The following OPHN1 variants were observed in gnomAD, a reference collection of about 807,000 sequenced individuals.
OPHN1 encodes the protein oligophrenin-1.
In OPHN1, 11 loss-of-function variants were observed where a neutral mutation model predicts 60.7. The observed-to-expected ratio is 0.18, with a 90% CI of 0.11 to 0.30. The LOEUF (loss-of-function observed/expected upper bound fraction) is 0.30, where lower values mean the gene tolerates loss of function less well. Ranked by LOEUF, OPHN1 falls within the 10% of genes least tolerant of loss-of-function variation. The pLI is 1.00. For missense variants in OPHN1, 449 were observed against 611.0 expected (o/e 0.73, Z 2.80); for synonymous variants, 226 against 222.6 (o/e 1.02, Z -0.14).
chrX:68,242,739 A>T (rs1281874178), intron 5 of OPHN1, among the ~76,000 whole-genome samples: 1 of 112,438 alleles, frequency 8.9e-6, no homozygotes, highest in Non-Finnish European at 1.9e-5. Flanking sequence ...TTAACCCATA[A>T]AAATGAAGGA....
At chrX:68,308,049 GAGGT>G (rs2078154461) in intron 2 of OPHN1, among the ~76,000 whole-genome samples, 1 of 112,282 alleles carries the variant, frequency 8.9e-6, no homozygotes, top group Non-Finnish European at 1.9e-5. Flanking sequence ...AAAGCAAAAT[GAGGT>G]AGTGGAAATA....
At chrX:68,164,644 G>A (rs2077349751) in intron 15 of OPHN1, among the ~76,000 whole-genome samples, 1 of 111,803 alleles carries the variant, frequency 8.9e-6, no homozygotes, top group Admixed American at 9.5e-5. Context: ...AAGGGGTCTA[G>A]GATTTGCAGA....
rs200860095 is a variant in OPHN1, at chrX:68,229,929, A to C, written c.486+4558T>G. Among the ~76,000 whole-genome samples, 216 of 112,089 alleles carry C rather than the reference A, an allele frequency of 1.9e-3. 2 individuals are homozygous for C. The highest frequency in any genetic ancestry group is 0.019 in the East Asian group (68 of 3,552). ...TTGACAAATGGGATCTAATTAAACT[A>C]AAGAGCTTCTGCACAGCAAAAGAAA... On this transcript the variant is annotated intron_variant, in intron 6 of 24. Coordinates refer to ENST00000355520, the MANE Select transcript of OPHN1 (RefSeq NM_002547.3).
In OPHN1 at chrX:68,064,135, C is replaced by A; in HGVS notation, c.1877G>T (p.Ser626Ile). 1 of 1,210,917 alleles carries A rather than the reference C, an allele frequency of 8.3e-7. No homozygotes were observed. Among genetic ancestry groups the A allele is most frequent in the Non-Finnish European group, 1.1e-6 (1 of 895,130 alleles). The change falls in exon 21 of 25, where the codon AGC (serine) becomes ATC (isoleucine). Residue 626 changes from serine to isoleucine, a missense_variant. By Grantham distance (142) the Ser-to-Ile change is moderately radical. Around this residue, in one of 4 missense-constraint regions of OPHN1, gnomAD observed 184 missense variants for 160.5 expected, o/e 1.15. Coordinates refer to ENST00000355520, the MANE Select transcript of OPHN1 (RefSeq NM_002547.3). ...TTGTGGTGGCTTGGGGGGTTCTATG[C>A]TGCTGGTGATAGTACCATTCGGTGT... ...HQTPNGTITS[S>I]IEPPKPPQHP... is the part of the protein sequence containing the mutation.
intron 18 of OPHN1, among the ~76,000 whole-genome samples, 187 bp downstream of exon 18, chrX:68,111,667 G>T (rs753643622): frequency 8.9e-6 from 1 of 111,756 alleles, no homozygotes; most frequent in Non-Finnish European, 1.9e-5. Context: ...CAATCCACAT[G>T]CATGATGACT....
At chrX:68,280,666 C>A (rs917562842) in intron 4 of OPHN1, among the ~76,000 whole-genome samples, 1 of 111,584 alleles carries the variant, frequency 9.0e-6, no homozygotes, top group African/African-American at 3.3e-5. Flanking sequence ...TACCATCATG[C>A]CCCTAATAAA....
chrX:68,373,913 A>G (rs1198088128), intron 2 of OPHN1, among the ~76,000 whole-genome samples: 1 of 111,717 alleles, frequency 9.0e-6, no homozygotes, highest in African/African-American at 3.3e-5. Flanking sequence ...GAAGAAAAAA[A>G]AACTTCTAAA....
At chrX:68,268,122 G>A (rs1057435810) in intron 5 of OPHN1, among the ~76,000 whole-genome samples, 5 of 110,908 alleles carry the variant, frequency 4.5e-5, no homozygotes, top group Non-Finnish European at 7.6e-5. Context: ...AGAATACAGA[G>A]GTACAGAATA....
intron 15 of OPHN1, among the ~76,000 whole-genome samples, chrX:68,167,761 A>G (rs1227354267): frequency 9.1e-6 from 1 of 109,688 alleles, no homozygotes; most frequent in East Asian, 2.9e-4. Context: ...GGAAATCTGT[A>G]TACTGAAGAG....
intron 9 of OPHN1, among the ~76,000 whole-genome samples, chrX:68,207,132 AT>A (rs35644656): frequency 0.041 from 3,975 of 96,172 alleles, 176 homozygotes; most frequent in African/African-American, 0.12. Context: ...TTTTGTTTTA[AT>A]TTTTTTTTTT....
At chrX:68,266,260 GT>G (rs1209204881) in intron 5 of OPHN1, among the ~76,000 whole-genome samples, 5 of 111,488 alleles carry the variant, frequency 4.5e-5, no homozygotes, top group Admixed American at 1.9e-4. Context: ...AGGAAAAAAT[GT>G]TAAGGGCAGC....
chrX:68,112,663 C>T (rs1165475002), intron 17 of OPHN1, among the ~76,000 whole-genome samples: 1 of 112,437 alleles, frequency 8.9e-6, no homozygotes, highest in Non-Finnish European at 1.9e-5. Context: ...TCTTTAATCG[C>T]CAACTTTTGG....
At chrX:68,205,654 G>A (rs1325256289) in intron 10 of OPHN1, among the ~76,000 whole-genome samples, 1 of 110,936 alleles carries the variant, frequency 9.0e-6, no homozygotes, top group African/African-American at 3.3e-5. Flanking sequence ...AATTCAACAT[G>A]AGCAAGCCAC....
At chrX:68,342,946 G>A (rs773276447) in intron 2 of OPHN1, among the ~76,000 whole-genome samples, 4 of 110,149 alleles carry the variant, frequency 3.6e-5, no homozygotes, top group Admixed American at 9.8e-5. Flanking sequence ...TCACGAAGAC[G>A]AAGAAGAAGA....
chrX:68,406,671 C>T (rs746438114), intron 2 of OPHN1, among the ~76,000 whole-genome samples: 2 of 111,606 alleles, frequency 1.8e-5, no homozygotes, highest in Non-Finnish European at 3.8e-5. Context: ...AATAAATATC[C>T]TTATTCTTGG....
chrX:68,363,167 G>T (rs1001098706), intron 2 of OPHN1, among the ~76,000 whole-genome samples: 1 of 110,036 alleles, frequency 9.1e-6, no homozygotes, highest in African/African-American at 3.3e-5. Context: ...AGGATCGCTT[G>T]AACTGAGAGG....
At chrX:68,423,251 T>C (rs1294184560) in intron 2 of OPHN1, among the ~76,000 whole-genome samples, 3 of 111,091 alleles carry the variant, frequency 2.7e-5, no homozygotes, top group Non-Finnish European at 5.7e-5. Flanking sequence ...GGTCTCTATC[T>C]CCTGACCTCG....
chrX:68,420,583 T>C (rs2147785681), intron 2 of OPHN1, among the ~76,000 whole-genome samples: 1 of 111,329 alleles, frequency 9.0e-6, no homozygotes, highest in East Asian at 2.8e-4. Context: ...ATTCTCTAGA[T>C]TTCACATATT....
chrX:68,212,071 G>A (rs763740153), intron 8 of OPHN1, 37 bp downstream of exon 8: 21 of 1,002,926 alleles, frequency 2.1e-5, no homozygotes, highest in Non-Finnish European at 2.7e-5. Flanking sequence ...CAATCGGAAT[G>A]GAAAGACCGG....
Sources: allele counts gnomAD v4.1 joint callset (sites outside exome capture counted in the v4.1 genomes callset), GRCh38; gene constraint gnomAD v4.1.1; regional missense constraint gnomAD v4.1.1; transcripts MANE v1.5; gene names NCBI Gene and HGNC (gene_info 2026-07-23, HGNC 2026-07-21).